ZNF398: variants seen among roughly 807,000 people sequenced by gnomAD.
ZNF398 encodes the protein zinc finger protein 398, also known as zinc finger DNA binding protein ZER6.
Under a neutral mutation model 41.9 loss-of-function variants are expected in ZNF398, and 18 were observed. The ratio of observed to expected loss-of-function variants is 0.43; its 90% CI spans 0.30 to 0.64. The LOEUF (loss-of-function observed/expected upper bound fraction) is 0.64, where lower values mean the gene tolerates loss of function less well. ZNF398 is among the 30% of genes least tolerant of loss of function. The probability of loss-of-function intolerance (pLI) is 0.14; values close to 1 mark genes in which losing one functional copy is unlikely to be tolerated. For synonymous variants in ZNF398, 260 were observed against 308.8 expected (o/e 0.84, Z 1.66); for missense variants, 669 against 822.8 (o/e 0.81, Z 2.29).
chr7:149,134,562 T>G (rs772760056), intron 2 of ZNF398, among the ~76,000 whole-genome samples: 1 of 152,208 alleles, frequency 6.6e-6, no homozygotes, highest in Non-Finnish European at 1.5e-5. Flanking sequence ...ATTATATTCT[T>G]AATGATCTCT....
chr7:149,170,091 C>T (rs1294599222), intron 4 of ZNF398, among the ~76,000 whole-genome samples: 1 of 152,204 alleles, frequency 6.6e-6, no homozygotes, highest in East Asian at 1.9e-4. Flanking sequence ...CATGCATACC[C>T]TCTGTCTAGC....
chr7:149,146,606 T>C (rs1032671099), upstream of ZNF398, among the ~76,000 whole-genome samples: 1 of 151,532 alleles, frequency 6.6e-6, no homozygotes, highest in Non-Finnish European at 1.5e-5. Flanking sequence ...CCTAGCACTT[T>C]GGGAGGCCAA....
chr7:149,172,145 C>A (rs1287361141), intron 4 of ZNF398, among the ~76,000 whole-genome samples: 1 of 152,186 alleles, frequency 6.6e-6, no homozygotes, highest in Non-Finnish European at 1.5e-5. Context: ...AGTTTTGTAT[C>A]AGCATAGAGA....
rs1425425626 is a variant in ZNF398 at position 149,182,156 on chromosome 7, C to T, written c.*2355C>T. ...ATGGCTGCAGATAGATCCCGCAGTCCCTTCTGAAAGGAACTGTGTAGCCAG... is the reference window on the plus strand; with the variant it reads ...ATGGCTGCAGATAGATCCCGCAGTCTCTTCTGAAAGGAACTGTGTAGCCAG... On this transcript the variant is annotated 3_prime_UTR_variant, in exon 6 of 6. Coordinates refer to ENST00000475153, the MANE Select transcript of ZNF398 (RefSeq NM_170686.3). The T allele has an allele frequency of 6.6e-6, 1 of 152,078 alleles. No individual in the cohort carries two copies. Among genetic ancestry groups the T allele is most frequent in the Non-Finnish European group, 1.5e-5 (1 of 68,006 alleles). 9.4% of individuals were successfully genotyped at this position (152,078 alleles called of 1,614,324 possible). A position where few individuals can be genotyped will look rare whatever the true frequency, so the allele number is the denominator to read the frequency against.
At chr7:149,151,697 A>G (rs750775245) in intron 1 of ZNF398, among the ~76,000 whole-genome samples, 14 of 152,128 alleles carry the variant, frequency 9.2e-5, no homozygotes, top group Non-Finnish European at 1.5e-4. Flanking sequence ...ATAAAAAAAA[A>G]ATTAAGCTAT....
intron 1 of ZNF398, among the ~76,000 whole-genome samples, chr7:149,127,497 G>C (rs1181471475): frequency 2.7e-5 from 4 of 146,208 alleles, no homozygotes; most frequent in East Asian, 2.0e-4. Context: ...ACGAGGTCAG[G>C]AGAGCGAGAC....
At chr7:149,130,320 T>G (rs917405576) in intron 2 of ZNF398, among the ~76,000 whole-genome samples, 2 of 152,120 alleles carry the variant, frequency 1.3e-5, no homozygotes, top group Admixed American at 6.6e-5. Context: ...GGTTTCAAAC[T>G]CCTAACCTCA....
At chr7:149,152,850 T>C (rs10277119) in intron 1 of ZNF398, among the ~76,000 whole-genome samples, 88,060 of 150,140 alleles carry the variant, frequency 0.59, 27,408 homozygotes, top group East Asian at 0.9. Context: ...CCACCCACCG[T>C]GCCCAGCCTC....
intron 1 of ZNF398, among the ~76,000 whole-genome samples, chr7:149,149,518 C>G (rs1178370340): frequency 6.6e-6 from 1 of 152,026 alleles, no homozygotes; most frequent in Non-Finnish European, 1.5e-5. Flanking sequence ...CGTGAGCCAC[C>G]GCGCCCGGCC....
chr7:149,155,718 T>TATTTA (rs1296979434), intron 2 of ZNF398, among the ~76,000 whole-genome samples: 2 of 24,330 alleles, frequency 8.2e-5, no homozygotes, highest in African/African-American at 1.7e-4. Flanking sequence ...TTTTTTTTTT[T>TATTTA]TTTTTTTTTT....
upstream of ZNF398, among the ~76,000 whole-genome samples, chr7:149,142,683 CA>C (rs1396952435): frequency 2.0e-5 from 3 of 151,960 alleles, no homozygotes; most frequent in Non-Finnish European, 4.4e-5. Context: ...AACAAACAAA[CA>C]AAAAACCAGA....
chr7:149,143,115 C>T (rs565739813), upstream of ZNF398, among the ~76,000 whole-genome samples: 73 of 149,368 alleles, frequency 4.9e-4, no homozygotes, highest in South Asian at 0.015. Flanking sequence ...TGGCCAGGCG[C>T]GGTGGCCAGA....
rs917206273 is a variant in ZNF398, at chr7:149,150,596, C to CA, written c.24+2837dup. ...CCTGGGTGACAGTGAGACCTCATCC[C>CA]AAAAAAACAAAAACAAAACCCAACA... On this transcript the variant is annotated intron_variant, in intron 1 of 5. Transcript: ENST00000475153. Among the ~76,000 whole-genome samples, 34 of 151,800 alleles carry CA rather than the reference C, an allele frequency of 2.2e-4. 1 individual carries two copies. In the South Asian group the frequency reaches 4.0e-3, roughly 18 times the overall value.
Position 149,181,945 on chromosome 7 carries a change from G to A in ZNF398, c.*2144G>A, listed in dbSNP as rs1795601990. On this transcript the variant is annotated 3_prime_UTR_variant, in exon 6 of 6. Transcript: ENST00000475153. ...TGATTTCCCCAGTGAAAAGGGAGAA[G>A]AGCCAAAGTATTGTCTAGGTGCTGA... The A allele has an allele frequency of 6.6e-6, 1 of 152,214 alleles. No individual in the cohort carries two copies. 9.4% of individuals were successfully genotyped at this position (152,214 alleles called of 1,614,324 possible).
intron 2 of ZNF398, among the ~76,000 whole-genome samples, chr7:149,155,376 C>T (rs1003529681): frequency 1.3e-5 from 2 of 151,824 alleles, no homozygotes; most frequent in Admixed American, 6.6e-5. Flanking sequence ...GCTGAGATTG[C>T]GCCACTGCAC....
At chr7:149,130,999 G>A (rs115095589) in intron 2 of ZNF398, among the ~76,000 whole-genome samples, 1,695 of 152,260 alleles carry the variant, frequency 0.011, 29 homozygotes, top group African/African-American at 0.039. Flanking sequence ...GACTTTCATT[G>A]TCCAAATTCA....
rs139612222 is a variant in ZNF398, at chr7:149,130,198, C to T, written c.-490+1254C>T. Among the ~76,000 whole-genome samples the T allele has an allele frequency of 7.2e-3, 1,103 of 152,250 alleles. 12 individuals carry two copies. Among genetic ancestry groups the T allele is most frequent in the Middle Eastern group, 0.027 (8 of 294 alleles). ...GCAACCTCCACCTCTGGGGTTCAAG[C>T]GACTCCCCCACCTCAGCCTCCTGAG... On this transcript the variant is annotated intron_variant, in intron 2 of 6. Coordinates refer to the ZNF398 transcript ENST00000426851.
In ZNF398 at chr7:149,179,835, C is replaced by A; in HGVS notation, c.*34C>A. The A allele has an allele frequency of 6.6e-6, 10 of 1,521,502 alleles. No individual in the cohort carries two copies. Among genetic ancestry groups the A allele is most frequent in the Non-Finnish European group, 8.8e-6 (10 of 1,132,616 alleles). The allele number at this position is 1,521,502 out of a possible 1,614,324, so 94.3% of individuals were successfully genotyped here. Reference sequence around the variant, plus strand: ...CTCTGTGGCTTCATGCTTGTATATGCTCACAGCAGGGCACAAAATCCAAGA... The same window carrying A: ...CTCTGTGGCTTCATGCTTGTATATGATCACAGCAGGGCACAAAATCCAAGA... On this transcript the variant is annotated 3_prime_UTR_variant, in exon 6 of 6. Coordinates refer to ENST00000475153, the MANE Select transcript of ZNF398 (RefSeq NM_170686.3). This position sits in a 1 kb window ranked among gnomAD's most constrained non-coding sequence, Gnocchi z 6.1.
rs1401573146 is a variant in ZNF398, at chr7:149,153,956, G to T, written c.36G>T (p.Trp12Cys). Residue 12 changes from tryptophan (W) to cysteine (C), a missense_variant, in exon 2 of 6, where the codon TGG (tryptophan) becomes TGT (cysteine). This residue lies in a region of ZNF398 where 169 missense variants were observed against 239.5 expected (regional missense o/e 0.71). Coordinates refer to ENST00000475153, the MANE Select transcript of ZNF398 (RefSeq NM_170686.3). ...AEAAPAPTSE[W>C]DSECLTSLQP... ...TCCACTGCATGCAGACATCTGAATG[G>T]GACTCCGAGTGCCTTACATCCCTGC... 6.2e-7 allele frequency: 1 copy of T among 1,610,360 alleles called. No homozygotes were observed. Among genetic ancestry groups the T allele is most frequent in the South Asian group, 1.1e-5 (1 of 90,682 alleles).
Sources: allele counts gnomAD v4.1 joint callset (sites outside exome capture counted in the v4.1 genomes callset), GRCh38; gene constraint gnomAD v4.1.1; regional missense constraint gnomAD v4.1.1; non-coding constraint Gnocchi (gnomAD v3.1); transcripts MANE v1.5; gene names NCBI Gene and HGNC (gene_info 2026-07-23, HGNC 2026-07-21).